The following CPNE5 variants were observed in gnomAD, a reference collection of about 807,000 sequenced individuals.
CPNE5 encodes copine-5.
Under a neutral mutation model 81.1 loss-of-function variants are expected in CPNE5, and 42 were observed. That is an observed-to-expected ratio of 0.52 (90% CI 0.40 to 0.67). The LOEUF is 0.67. CPNE5 is among the 30% of genes least tolerant of loss of function. The pLI is 0.00. For missense variants in CPNE5, 612 were observed against 815.5 expected (o/e 0.75, Z 3.04); for synonymous variants, 313 against 321.5 (o/e 0.97, Z 0.28).
At chr6:36,798,949 C>T (rs1223076816) in intron 4 of CPNE5, among the ~76,000 whole-genome samples, 1 of 152,138 alleles carries the variant, frequency 6.6e-6, no homozygotes, top group African/African-American at 2.4e-5. Context: ...CTTCACCCTA[C>T]CCAGGCCTGC....
At chr6:36,831,049 ATTTATTTTATT>A (rs1561830796) in intron 1 of CPNE5, among the ~76,000 whole-genome samples, 7 of 151,680 alleles carry the variant, frequency 4.6e-5, no homozygotes, top group Non-Finnish European at 4.4e-5. Context: ...TTTTTATTTT[ATTTATTTTATT>A]TTTTATTTTT....
At chr6:36,776,589 A>T (rs1352411296) in intron 9 of CPNE5, among the ~76,000 whole-genome samples, 3 of 151,910 alleles carry the variant, frequency 2.0e-5, no homozygotes, top group African/African-American at 4.8e-5. Context: ...GGGATGGGGG[A>T]TGATACTGTG....
chr6:36,819,206 G>A (rs540475305), intron 3 of CPNE5, among the ~76,000 whole-genome samples: 5 of 152,274 alleles, frequency 3.3e-5, no homozygotes, highest in African/African-American at 7.2e-5. Flanking sequence ...GGGTTCAAGC[G>A]ATTCTCCTGC....
At chr6:36,748,714 A>G (rs1033049198) in intron 14 of CPNE5, among the ~76,000 whole-genome samples, 1 of 152,214 alleles carries the variant, frequency 6.6e-6, no homozygotes, top group East Asian at 1.9e-4. Context: ...AATACCACCC[A>G]TGAAGTTGTC....
intron 3 of CPNE5, among the ~76,000 whole-genome samples, chr6:36,812,642 G>A (rs1582983293): frequency 6.6e-6 from 1 of 152,222 alleles, no homozygotes; most frequent in South Asian, 2.1e-4. Context: ...CTGACCCTAA[G>A]ACTGTGAGTA....
intron 4 of CPNE5, 110 bp downstream of exon 4, chr6:36,799,857 T>C: frequency 3.9e-6 from 3 of 774,724 alleles, no homozygotes; most frequent in South Asian, 1.6e-5. Context: ...AGGCCAACCC[T>C]GGGCTCCCAC....
chr6:36,743,170 G>A (rs986427665), intron 20 of CPNE5: 1 of 985,304 alleles, frequency 1.0e-6, no homozygotes, highest in African/African-American at 1.7e-5. Flanking sequence ...GGCCTCCTCT[G>A]CAGGGGATGA....
intron 12 of CPNE5, among the ~76,000 whole-genome samples, chr6:36,759,821 G>C (rs539640637): frequency 6.6e-6 from 1 of 152,024 alleles, no homozygotes; most frequent in South Asian, 2.1e-4. Flanking sequence ...AGAGCCTCAG[G>C]TGGCAGGACG....
intron 8 of CPNE5, among the ~76,000 whole-genome samples, chr6:36,783,766 A>T (rs921423702): frequency 6.6e-6 from 1 of 152,148 alleles, no homozygotes; most frequent in Non-Finnish European, 1.5e-5. Context: ...TGCCCACTTC[A>T]GCCTCCCAAA....
chr6:36,786,029 A>G (rs1768509312), intron 8 of CPNE5, among the ~76,000 whole-genome samples: 1 of 151,856 alleles, frequency 6.6e-6, no homozygotes, highest in Non-Finnish European at 1.5e-5. Context: ...AAAAAAAAAA[A>G]AAAAAATTTA....
rs1466412521 is a variant in CPNE5, at chr6:36,774,994, G to A, written c.704C>T (p.Pro235Leu). The A allele has an allele frequency of 1.9e-6, 3 of 1,614,172 alleles. No individual in the cohort carries two copies. Among genetic ancestry groups the A allele is most frequent in the East Asian group, 2.2e-5 (1 of 44,878 alleles). ...LNPVWQTFSI[P>L]VRALCNGDYD... is the part of the protein sequence containing the mutation. ...GTCGCCGTTGCAGAGGGCTCTCACG[G>A]GAATGGAGAAAGTTTGCCAGACTGG... The change falls in exon 10 of 21, where the codon CCC becomes CTC. Residue 235 changes from proline to leucine, a missense_variant. Physicochemically the swap from Pro to Leu is moderately conservative, Grantham distance 98. Transcript: ENST00000244751.
intron 8 of CPNE5, among the ~76,000 whole-genome samples, chr6:36,783,378 T>TAAA (rs36056853): frequency 6.6e-4 from 78 of 118,464 alleles, no homozygotes; most frequent in African/African-American, 1.8e-3. Flanking sequence ...GCAGTAAAAG[T>TAAA]AAAAAAAAAA....
chr6:36,779,632 A>G (rs1199026233), intron 8 of CPNE5, among the ~76,000 whole-genome samples: 2 of 152,210 alleles, frequency 1.3e-5, no homozygotes, highest in Non-Finnish European at 2.9e-5. Flanking sequence ...AAAGGCTCAG[A>G]GCAGGGAGTG....
intron 12 of CPNE5, 115 bp downstream of exon 12, chr6:36,762,802 C>A: frequency 2.4e-6 from 2 of 819,598 alleles, no homozygotes; most frequent in Non-Finnish European, 2.1e-6. Context: ...GGGACAATAA[C>A]CCCTTTCTCA....
intron 2 of CPNE5, 132 bp downstream of exon 2, chr6:36,822,926 A>C: frequency 1.5e-6 from 1 of 687,616 alleles, no homozygotes. Context: ...GAGAAACATT[A>C]AACAGGCTTG....
intron 3 of CPNE5, among the ~76,000 whole-genome samples, chr6:36,816,376 C>G (rs2150573305): frequency 6.6e-6 from 1 of 152,278 alleles, no homozygotes; most frequent in East Asian, 1.9e-4. Context: ...TCTCAGAAGG[C>G]ATAAAAATGA....
chr6:36,765,146 C>T (rs993444068), intron 11 of CPNE5, among the ~76,000 whole-genome samples, 189 bp downstream of exon 11: 1 of 152,148 alleles, frequency 6.6e-6, no homozygotes, highest in Non-Finnish European at 1.5e-5. Flanking sequence ...CTCCGTGGAG[C>T]TGGATGGGGA....
intron 10 of CPNE5, among the ~76,000 whole-genome samples, chr6:36,769,580 C>T (rs1006750050): frequency 2.6e-5 from 4 of 152,202 alleles, no homozygotes; most frequent in African/African-American, 9.6e-5. Flanking sequence ...AGGGGTTTTG[C>T]CTTAAATGGA....
At chr6:36,751,565 G>A (rs111701519) in intron 14 of CPNE5, among the ~76,000 whole-genome samples, 7 of 152,178 alleles carry the variant, frequency 4.6e-5, no homozygotes, top group African/African-American at 9.6e-5. Flanking sequence ...CGAGGCAGGC[G>A]AATCACCTGA....
Sources: gnomAD v4.1 joint callset for allele counts (sites outside exome capture counted in the v4.1 genomes callset) on GRCh38, gnomAD v4.1.1 for gene constraint, MANE v1.5 for transcripts, NCBI Gene and HGNC (gene_info 2026-07-23, HGNC 2026-07-21) for gene names.